CYP3A5: variants seen among roughly 807,000 people sequenced by gnomAD.
CYP3A5 encodes the protein cytochrome P450 family 3 subfamily A member 5, also known as cytochrome P450 3A5.
Under a neutral mutation model 55.9 loss-of-function variants are expected in CYP3A5, and 51 were observed. The ratio of observed to expected loss-of-function variants is 0.91; its 90% CI spans 0.73 to 1.15. The LOEUF is 1.15. Among genes scored for constraint, CYP3A5 ranks in the 50% most tolerant of loss-of-function variants. The pLI, the probability that CYP3A5 is intolerant of heterozygous loss-of-function variation, is 0.00. For synonymous variants in CYP3A5, 196 were observed against 213.9 expected (o/e 0.92, Z 0.73); for missense variants, 533 against 596.6 (o/e 0.89, Z 1.11).
intron 1 of CYP3A5, 83 bp from the exon 2 acceptor site, chr7:99,676,291 G>T: frequency 6.3e-7 from 1 of 1,599,052 alleles, no homozygotes; most frequent in South Asian, 1.1e-5. Context: ...GAACTGGAAT[G>T]GTCAAGAGAG....
At chr7:99,676,631 C>T in intron 1 of CYP3A5, 1 of 1,111,856 alleles carries the variant, frequency 9.0e-7, no homozygotes, top group South Asian at 1.2e-5. Context: ...TGAGATTTTG[C>T]ATCACTGTAT....
Position 99,662,710 on chromosome 7 carries a change from G to T in CYP3A5, c.865+106C>A. 1 of 1,103,852 alleles carries T rather than the reference G, an allele frequency of 9.1e-7. No homozygotes were observed. Among genetic ancestry groups the T allele is most frequent in the Non-Finnish European group, 1.4e-6 (1 of 737,666 alleles). The allele number at this position is 1,103,852 out of a possible 1,614,324, so 68.4% of individuals were successfully genotyped here. A position where few individuals can be genotyped will look rare whatever the true frequency, so the allele number is the denominator to read the frequency against. ...ATCTAAATGTGTGTTGTTCTGCTAT[G>T]TGGCAAAAATTCTCATCTTCCTGGA... On this transcript the variant is annotated intron_variant, in intron 9 of 12. Transcript: ENST00000222982. The surrounding 1 kb of genome is among the most constrained non-coding windows in gnomAD (Gnocchi z 4.3).
intron 1 of CYP3A5, chr7:99,676,725 C>T: frequency 4.3e-6 from 2 of 463,044 alleles, no homozygotes; most frequent in South Asian, 3.5e-5. Flanking sequence ...TTTTTCTTCC[C>T]TCTAAGCTCT....
Position 99,662,766 on chromosome 7 carries a change from C to T in CYP3A5, c.865+50G>A. 5 of 1,540,346 alleles carry T rather than the reference C, an allele frequency of 3.2e-6. No individual in the cohort carries two copies. The highest frequency in any genetic ancestry group is 4.5e-6 in the Non-Finnish European group (5 of 1,116,142). ...TCCTGCACATTTTCAGAACAAGGCCCTCCCTCTTAGTGTCCCCGCCAGTAG... is the reference window on the plus strand; with the variant it reads ...TCCTGCACATTTTCAGAACAAGGCCTTCCCTCTTAGTGTCCCCGCCAGTAG... On this transcript the variant is annotated intron_variant, in intron 9 of 12. Coordinates refer to ENST00000222982, the MANE Select transcript of CYP3A5 (RefSeq NM_000777.5). This position sits in a 1 kb window ranked among gnomAD's most constrained non-coding sequence, Gnocchi z 4.3.
intron 4 of CYP3A5, among the ~76,000 whole-genome samples, chr7:99,667,390 C>A (rs998762388): frequency 6.6e-6 from 1 of 152,162 alleles, no homozygotes; most frequent in Admixed American, 6.5e-5. Flanking sequence ...CCTAGCCCTT[C>A]CCCAGGAGTG....
In CYP3A5 at chr7:99,667,084, AT is replaced by A; in HGVS notation, c.319-20del. On this transcript the variant is annotated intron_variant, in intron 4 of 12. Coordinates refer to ENST00000222982, the MANE Select transcript of CYP3A5 (RefSeq NM_000777.5). ...CTAAAGACTAGAGTTCAACAGAAAC[AT>A]TTTTTCTCACATTAGTTGTGGTGAT... 6.2e-7 allele frequency: 1 copy of A among 1,600,646 alleles called. No individual in the cohort carries two copies. The highest frequency in any genetic ancestry group is 8.5e-7 in the Non-Finnish European group (1 of 1,170,114).
At chr7:99,672,196 C>T (rs530582555) in intron 4 of CYP3A5, among the ~76,000 whole-genome samples, 5 of 152,010 alleles carry the variant, frequency 3.3e-5, no homozygotes, top group East Asian at 1.9e-4. Context: ...GGACTACAGG[C>T]GCATGCCACC....
At chr7:99,670,651 T>C (rs980758041) in intron 4 of CYP3A5, among the ~76,000 whole-genome samples, 1 of 152,234 alleles carries the variant, frequency 6.6e-6, no homozygotes, top group Admixed American at 6.5e-5. Flanking sequence ...TGGACTTTTG[T>C]AAGACCTGTC....
At chr7:99,673,890 C>T (rs1430824178) in intron 3 of CYP3A5, among the ~76,000 whole-genome samples, 3 of 152,218 alleles carry the variant, frequency 2.0e-5, no homozygotes. Flanking sequence ...GTGGTAACCA[C>T]AATGCTCCTA....
chr7:99,655,024 C>T (rs556096535), intron 10 of CYP3A5, among the ~76,000 whole-genome samples: 108 of 152,142 alleles, frequency 7.1e-4, no homozygotes, highest in Non-Finnish European at 7.4e-4. Context: ...CCCATTCTGT[C>T]GGTTGCCTGT....
intron 1 of CYP3A5, among the ~76,000 whole-genome samples, chr7:99,678,179 C>T (rs1276636468): frequency 2.0e-5 from 3 of 152,202 alleles, no homozygotes; most frequent in Non-Finnish European, 4.4e-5. Flanking sequence ...AGTGACCGGC[C>T]CACAACATGG....
rs1584486418 is a variant in CYP3A5, at chr7:99,679,978, C to T, written c.-82G>A. On this transcript the variant is annotated 5_prime_UTR_variant, in exon 1 of 13. Coordinates refer to ENST00000222982, the MANE Select transcript of CYP3A5 (RefSeq NM_000777.5). ...TGTTTGCTGGGCTGTTTGCCTGGAGCTTCCCTGCCCTGCACAGCAGTCTTC... is the reference window on the plus strand; with the variant it reads ...TGTTTGCTGGGCTGTTTGCCTGGAGTTTCCCTGCCCTGCACAGCAGTCTTC... The T allele has an allele frequency of 1.7e-6, 2 of 1,196,776 alleles. No homozygotes were observed. The highest frequency in any genetic ancestry group is 4.7e-5 in the East Asian group (2 of 42,842). 74.1% of individuals were successfully genotyped at this position (1,196,776 alleles called of 1,614,324 possible).
At chr7:99,671,914 C>T (rs1427906796) in intron 4 of CYP3A5, 1 of 695,648 alleles carries the variant, frequency 1.4e-6, no homozygotes, top group Non-Finnish European at 2.6e-6. Context: ...ACTACCCACA[C>T]ACATAAACAC....
chr7:99,657,877 C>T (rs1005422511), intron 10 of CYP3A5, among the ~76,000 whole-genome samples: 8 of 152,054 alleles, frequency 5.3e-5, no homozygotes, highest in Non-Finnish European at 1.0e-4. Context: ...TGGTTTAAAG[C>T]CTGTTTTATC....
intron 10 of CYP3A5, chr7:99,659,222 T>C (rs1291008559): frequency 6.6e-6 from 1 of 152,222 alleles, no homozygotes; most frequent in Non-Finnish European, 1.5e-5. Context: ...CTACCTTTGA[T>C]CTTTGATGAT....
At chr7:99,659,189 T>G (rs1257738527) in intron 10 of CYP3A5, 1 of 152,258 alleles carries the variant, frequency 6.6e-6, no homozygotes, top group Non-Finnish European at 1.5e-5. Flanking sequence ...TCTGCTGTTT[T>G]TCCCCCATCT....
In CYP3A5 at chr7:99,663,987, C is replaced by T. The variant is rs376773432; in HGVS notation, c.779G>A (p.Arg260His). ...TTTTACCTTTTGTTTGTCGTTGAGG[C>T]GACTTTTCTTCATTCTGTTTACAGA... ...SKSVNRMKKS[R>H]LNDKQKHRLD... Residue 260 changes from arginine to histidine, a missense_variant, in exon 8 of 13, where the codon CGC (arginine) becomes CAC (histidine). Transcript: ENST00000222982. 43 of 1,587,366 alleles carry T rather than the reference C, an allele frequency of 2.7e-5. No homozygotes were observed. The highest frequency in any genetic ancestry group is 7.9e-5 in the Admixed American group (4 of 50,882).
chr7:99,650,185 A>G lies in CYP3A5; in HGVS notation c.1301T>C (p.Phe434Ser). The G allele has an allele frequency of 6.2e-7, 1 of 1,614,080 alleles. No homozygotes were observed. Among genetic ancestry groups the G allele is most frequent in the Admixed American group, 1.7e-5 (1 of 60,020 alleles). ...DSIDPYIYTPFGTGPRNCIGM... is the reference protein window; with the variant it reads ...DSIDPYIYTPSGTGPRNCIGM... Reference sequence around the variant, plus strand: ...AATGCAGTTTCTGGGTCCAGTTCCAAAGGGTGTGTATATGTAAGGATCTAT... The same window carrying G: ...AATGCAGTTTCTGGGTCCAGTTCCAGAGGGTGTGTATATGTAAGGATCTAT... The change falls in exon 12 of 13, where the codon TTT becomes TCT. Residue 434 changes from phenylalanine to serine, a missense_variant. Coordinates refer to ENST00000222982, the MANE Select transcript of CYP3A5 (RefSeq NM_000777.5).
intron 1 of CYP3A5, 169 bp from the exon 2 acceptor site, chr7:99,676,377 C>T (rs1180443614): frequency 1.3e-6 from 2 of 1,520,884 alleles, no homozygotes; most frequent in Admixed American, 3.7e-5. Flanking sequence ...AGGTCCTTTC[C>T]TGACTATTCT....
Sources: gnomAD v4.1 joint callset for allele counts (sites outside exome capture counted in the v4.1 genomes callset) on GRCh38, gnomAD v4.1.1 for gene constraint, Gnocchi (gnomAD v3.1) non-coding constraint, MANE v1.5 for transcripts, NCBI Gene and HGNC (gene_info 2026-07-23, HGNC 2026-07-21) for gene names.